The following CNTN4 variants were observed in gnomAD, a reference collection of about 807,000 sequenced individuals.
CNTN4 encodes the protein contactin 4.
Under a neutral mutation model 122.5 loss-of-function variants are expected in CNTN4, and 77 were observed. That is an observed-to-expected ratio of 0.63 (90% CI 0.52 to 0.76). The LOEUF (loss-of-function observed/expected upper bound fraction) is 0.76. Ranked by LOEUF, CNTN4 falls within the 30% of genes least tolerant of loss-of-function variation. The probability of loss-of-function intolerance (pLI) is 0.00; values close to 1 mark genes in which losing one functional copy is unlikely to be tolerated. For synonymous variants in CNTN4, 512 were observed against 447.0 expected (o/e 1.15, Z -1.83); for missense variants, 1,256 against 1,259.1 (o/e 1.00, Z 0.04).
intron 3 of CNTN4, among the ~76,000 whole-genome samples, chr3:2,434,889 A>G (rs554844711): frequency 1.3e-5 from 2 of 152,302 alleles, no homozygotes; most frequent in South Asian, 4.1e-4. Flanking sequence ...CTTCATATCC[A>G]AAGAATCTTG....
chr3:3,034,560 TC>T, intron 16 of CNTN4, 71 bp from the exon 17 acceptor site: 3 of 1,471,596 alleles, frequency 2.0e-6, no homozygotes, highest in South Asian at 2.3e-5. Context: ...AATGCCCCAT[TC>T]AAGTATGTGG....
intron 4 of CNTN4, among the ~76,000 whole-genome samples, chr3:2,615,920 G>C (rs6783526): frequency 0.02 from 3,028 of 151,846 alleles, 93 homozygotes; most frequent in African/African-American, 0.07. Context: ...CAAGGATTAA[G>C]AGTAATCTAT....
At chr3:2,480,525 C>T (rs924494513) in intron 3 of CNTN4, among the ~76,000 whole-genome samples, 12 of 152,222 alleles carry the variant, frequency 7.9e-5, no homozygotes, top group Non-Finnish European at 1.0e-4. Flanking sequence ...TATGTTAGCA[C>T]GCCAAAAATG....
chr3:2,424,741 C>G (rs1478408052), intron 3 of CNTN4, among the ~76,000 whole-genome samples: 1 of 152,126 alleles, frequency 6.6e-6, no homozygotes, highest in Non-Finnish European at 1.5e-5. Context: ...TTTCCTGACT[C>G]TTTAATGATC....
intron 3 of CNTN4, among the ~76,000 whole-genome samples, chr3:2,351,768 A>C (rs1428433422): frequency 6.6e-6 from 1 of 151,204 alleles, no homozygotes; most frequent in Non-Finnish European, 1.5e-5. Flanking sequence ...AAATCTAAAA[A>C]AACTGAACTC....
chr3:2,433,522 A>T (rs913666866), intron 3 of CNTN4, among the ~76,000 whole-genome samples: 1 of 152,094 alleles, frequency 6.6e-6, no homozygotes, highest in Non-Finnish European at 1.5e-5. Flanking sequence ...TATTTTGGAT[A>T]TTAGCCCTTT....
At chr3:2,648,408 T>G (rs570162053) in intron 4 of CNTN4, among the ~76,000 whole-genome samples, 1 of 152,188 alleles carries the variant, frequency 6.6e-6, no homozygotes, top group Non-Finnish European at 1.5e-5. Context: ...TGTGCTTACT[T>G]TGTATCTCAG....
At chr3:2,266,443 C>G (rs2041054024) in intron 2 of CNTN4, among the ~76,000 whole-genome samples, 1 of 151,990 alleles carries the variant, frequency 6.6e-6, no homozygotes, top group African/African-American at 2.4e-5. Flanking sequence ...TTTAAGCCTA[C>G]TTTTCTTCAT....
chr3:2,310,320 G>A (rs996679898), intron 2 of CNTN4, among the ~76,000 whole-genome samples: 2 of 152,086 alleles, frequency 1.3e-5, no homozygotes, highest in Non-Finnish European at 2.9e-5. Flanking sequence ...AAGTCCCCCA[G>A]GCTAACATTG....
chr3:2,334,875 G>T (rs1234918441), intron 2 of CNTN4, among the ~76,000 whole-genome samples: 2 of 152,110 alleles, frequency 1.3e-5, no homozygotes. Context: ...CCTGTCACTT[G>T]GGAAGGGTTG....
At position 2,238,765 on chromosome 3, in the gene CNTN4, T is replaced by C. The variant is rs1334506026; in HGVS notation, c.-144-100413T>C. 2.3e-5 allele frequency: 2 copies of C among 87,094 alleles called. 1 individual carries two copies. Among genetic ancestry groups the C allele is most frequent in the Admixed American group, 2.9e-4 (2 of 7,004 alleles). The allele number at this position is 87,094 out of a possible 1,614,324, so 5.4% of individuals were successfully genotyped here. On this transcript the variant is annotated intron_variant, in intron 2 of 24. Coordinates refer to ENST00000418658, the MANE Select transcript of CNTN4 (RefSeq NM_175607.3). ...TTTTTTGAGACGGAGTCTGGCCCTG[T>C]CGCCCAGGCTGGAGTGCGGTGGCGC...
At chr3:2,120,550 A>G (rs1338775095) in intron 2 of CNTN4, among the ~76,000 whole-genome samples, 1 of 150,844 alleles carries the variant, frequency 6.6e-6, no homozygotes, top group Non-Finnish European at 1.5e-5. Context: ...TTACAGGTGC[A>G]CACCACTATG....
intron 2 of CNTN4, among the ~76,000 whole-genome samples, chr3:2,294,841 C>A (rs1403881303): frequency 2.0e-5 from 3 of 151,934 alleles, no homozygotes; most frequent in Non-Finnish European, 4.4e-5. Flanking sequence ...CCCAACCCCA[C>A]AACAGTCCCC....
At chr3:2,462,474 G>A (rs2049262391) in intron 3 of CNTN4, among the ~76,000 whole-genome samples, 1 of 152,148 alleles carries the variant, frequency 6.6e-6, no homozygotes, top group Non-Finnish European at 1.5e-5. Context: ...TTTGGCTTCA[G>A]TAAAGAGAAG....
chr3:2,174,801 A>G (rs889977839), intron 2 of CNTN4, among the ~76,000 whole-genome samples: 1 of 152,186 alleles, frequency 6.6e-6, no homozygotes, highest in Non-Finnish European at 1.5e-5. Flanking sequence ...GGGAGCTTTC[A>G]GTCATGGCAG....
chr3:2,193,379 A>G (rs768974159), intron 2 of CNTN4, among the ~76,000 whole-genome samples: 2 of 152,182 alleles, frequency 1.3e-5, no homozygotes, highest in Non-Finnish European at 2.9e-5. Flanking sequence ...GATAGAGAAC[A>G]TCAGGGTGAT....
chr3:2,265,433 G>A (rs1055105194), intron 2 of CNTN4, among the ~76,000 whole-genome samples: 3 of 151,956 alleles, frequency 2.0e-5, no homozygotes, highest in African/African-American at 7.2e-5. Flanking sequence ...CTGTTTTTAT[G>A]CCAGTATCAT....
rs535900860 is a variant in CNTN4 at position 2,344,589 on chromosome 3, T to C, written c.-89+5356T>C. 3.9e-5 allele frequency among the ~76,000 whole-genome samples: 6 copies of C among 152,156 alleles called. No individual in the cohort carries two copies. In the South Asian group the frequency reaches 1.0e-3, roughly 26 times the overall value. On this transcript the variant is annotated intron_variant, in intron 3 of 24. Coordinates refer to ENST00000418658, the MANE Select transcript of CNTN4 (RefSeq NM_175607.3). ...CACGGTGCCTGGCCCAGGAAAAAAA[T>C]TTAAACATCAGGATTCATGGTTTCA...
chr3:2,327,436 A>T (rs1322573059), intron 2 of CNTN4, among the ~76,000 whole-genome samples: 2 of 152,190 alleles, frequency 1.3e-5, no homozygotes, highest in East Asian at 3.8e-4. Flanking sequence ...TATTGTAAAC[A>T]CATATGGATC....
Sources: gnomAD v4.1 joint callset for allele counts (sites outside exome capture counted in the v4.1 genomes callset) on GRCh38, gnomAD v4.1.1 for gene constraint, MANE v1.5 for transcripts, NCBI Gene and HGNC (gene_info 2026-07-23, HGNC 2026-07-21) for gene names.